The following TRAF3 variants were observed in gnomAD, a reference collection of about 807,000 sequenced individuals.
TRAF3 encodes the protein TNF receptor associated factor 3.
In TRAF3, 13 loss-of-function variants were observed where a neutral mutation model predicts 62.3. The ratio of observed to expected loss-of-function variants is 0.21; its 90% CI spans 0.14 to 0.33. The LOEUF (loss-of-function observed/expected upper bound fraction) is 0.33, where lower values mean the gene tolerates loss of function less well. Among genes scored for constraint, TRAF3 ranks in the 10% least tolerant of loss-of-function variants. The pLI is 1.00. For synonymous variants in TRAF3, 269 were observed against 283.4 expected (o/e 0.95, Z 0.51); for missense variants, 440 against 741.8 (o/e 0.59, Z 4.73).
At chr14:102,877,982 G>T (rs1039942488) in intron 6 of TRAF3, among the ~76,000 whole-genome samples, 2 of 152,216 alleles carry the variant, frequency 1.3e-5, no homozygotes, top group African/African-American at 2.4e-5. Flanking sequence ...AAAGAGAAAA[G>T]ATAGGAATAA....
intron 1 of TRAF3, among the ~76,000 whole-genome samples, chr14:102,795,729 C>T (rs1202584973): frequency 6.6e-6 from 1 of 152,022 alleles, no homozygotes; most frequent in African/African-American, 2.4e-5. Context: ...AGGCAGGACT[C>T]TAATCTGACT....
chr14:102,778,560 A>G (rs897180514), intron 1 of TRAF3, among the ~76,000 whole-genome samples: 1 of 152,032 alleles, frequency 6.6e-6, no homozygotes, highest in African/African-American at 2.4e-5. Context: ...ATCAGTTTTC[A>G]GAATGACATG....
intron 9 of TRAF3, among the ~76,000 whole-genome samples, chr14:102,893,127 G>A (rs750856253): frequency 6.6e-6 from 1 of 152,014 alleles, no homozygotes; most frequent in Non-Finnish European, 1.5e-5. Flanking sequence ...GGTGGCTCAT[G>A]CCTGTAATCC....
At chr14:102,837,545 A>G (rs549544229) in intron 2 of TRAF3, among the ~76,000 whole-genome samples, 1 of 152,266 alleles carries the variant, frequency 6.6e-6, no homozygotes, top group African/African-American at 2.4e-5. Context: ...TGGTTCAGCT[A>G]AAGGTGCTCC....
chr14:102,892,967 T>C (rs1016679083), intron 9 of TRAF3, among the ~76,000 whole-genome samples: 14 of 152,020 alleles, frequency 9.2e-5, no homozygotes, highest in Non-Finnish European at 1.6e-4. Context: ...TAGGAATCTT[T>C]TTTTTCCCTC....
intron 6 of TRAF3, among the ~76,000 whole-genome samples, chr14:102,884,807 G>A (rs1306736416): frequency 1.3e-5 from 2 of 149,556 alleles, no homozygotes; most frequent in African/African-American, 2.5e-5. Context: ...GTGAGACTCC[G>A]TCTCAAAAAA....
chr14:102,779,587 A>T (rs1897187276), intron 1 of TRAF3, among the ~76,000 whole-genome samples: 1 of 152,094 alleles, frequency 6.6e-6, no homozygotes, highest in African/African-American at 2.4e-5. Flanking sequence ...TTAATTTTTC[A>T]CTGTGCAACT....
chr14:102,860,511 T>A (rs544942708), intron 2 of TRAF3, among the ~76,000 whole-genome samples: 9 of 152,326 alleles, frequency 5.9e-5, no homozygotes, highest in African/African-American at 1.9e-4. Flanking sequence ...AAAAGTCGTT[T>A]TAAATATCTT....
chr14:102,783,598 T>C lies in TRAF3; in HGVS notation c.-157+5923T>C, dbSNP rs76547735. On this transcript the variant is annotated intron_variant, in intron 1 of 11. Coordinates refer to ENST00000392745, the MANE Select transcript of TRAF3 (RefSeq NM_145725.3). ...GTTTTATCTTAAAATTTAATGTGAA[T>C]TTTACATTGTACTCAGTAACGTGGC... Among the ~76,000 whole-genome samples the C allele has an allele frequency of 1.2e-3, 188 of 152,358 alleles. 2 individuals are homozygous for C. The East Asian group carries it at 0.032, about 26-fold the overall frequency.
intron 4 of TRAF3, among the ~76,000 whole-genome samples, chr14:102,872,426 GC>G (rs1566787442): frequency 4.6e-5 from 7 of 152,154 alleles, no homozygotes; most frequent in African/African-American, 1.7e-4. Flanking sequence ...TGTGCTCCCT[GC>G]CCCCCAGGCC....
chr14:102,791,934 T>C (rs1268230000), intron 1 of TRAF3, among the ~76,000 whole-genome samples: 1 of 151,700 alleles, frequency 6.6e-6, no homozygotes. Flanking sequence ...CACCTCAGCC[T>C]CCTGAGTAGG....
chr14:102,875,987 A>G (rs988369955), intron 5 of TRAF3, among the ~76,000 whole-genome samples: 1 of 152,218 alleles, frequency 6.6e-6, no homozygotes, highest in African/African-American at 2.4e-5. Flanking sequence ...TTGGATTTTA[A>G]TTTTGGAAGG....
intron 11 of TRAF3, among the ~76,000 whole-genome samples, chr14:102,904,896 G>T (rs539318473): frequency 6.6e-6 from 1 of 151,542 alleles, no homozygotes; most frequent in Admixed American, 6.6e-5. Context: ...TGGATCACCT[G>T]AGGTCAGAAG....
At chr14:102,849,586 G>A (rs556522941) in intron 2 of TRAF3, among the ~76,000 whole-genome samples, 1 of 152,324 alleles carries the variant, frequency 6.6e-6, no homozygotes, top group East Asian at 1.9e-4. Context: ...TCTTTCCTAG[G>A]AGTCTGCCTG....
At chr14:102,810,564 C>G (rs1374811614) in intron 1 of TRAF3, 2 of 152,160 alleles carry the variant, frequency 1.3e-5, no homozygotes, top group African/African-American at 2.4e-5. Flanking sequence ...GACACTGGCT[C>G]TGTGGTATTT....
At chr14:102,829,679 G>A (rs557427340) in intron 1 of TRAF3, among the ~76,000 whole-genome samples, 2 of 152,324 alleles carry the variant, frequency 1.3e-5, no homozygotes, top group African/African-American at 4.8e-5. Context: ...CTTCCTGGGA[G>A]GCAGCCCTGC....
intron 1 of TRAF3, among the ~76,000 whole-genome samples, chr14:102,824,595 ATACCTGCAG>A (rs1900185595): frequency 6.6e-6 from 1 of 152,184 alleles, no homozygotes; most frequent in South Asian, 2.1e-4. Context: ...GAAGTGAAAA[ATACCTGCAG>A]ATAGTAGGGT....
intron 1 of TRAF3, among the ~76,000 whole-genome samples, chr14:102,796,071 G>A (rs1898067344): frequency 6.6e-6 from 1 of 152,170 alleles, no homozygotes; most frequent in African/African-American, 2.4e-5. Context: ...ACAAAAATTA[G>A]CCGGGTGTGG....
chr14:102,831,640 CCTT>C (rs1900694524), intron 2 of TRAF3, among the ~76,000 whole-genome samples: 1 of 152,154 alleles, frequency 6.6e-6, no homozygotes, highest in Non-Finnish European at 1.5e-5. Context: ...TGTGGAGTGA[CCTT>C]CTGTCTCCCA....
Sources: allele counts gnomAD v4.1 joint callset (sites outside exome capture counted in the v4.1 genomes callset), GRCh38; gene constraint gnomAD v4.1.1; transcripts MANE v1.5; gene names NCBI Gene and HGNC (gene_info 2026-07-23, HGNC 2026-07-21).